The following PIP4K2A variants were observed in gnomAD, a reference collection of about 807,000 sequenced individuals.
The protein encoded by PIP4K2A is phosphatidylinositol 5-phosphate 4-kinase type-2 alpha.
A neutral mutation model predicts 42.9 loss-of-function variants in PIP4K2A; 14 were observed. The ratio of observed to expected loss-of-function variants is 0.33; its 90% CI spans 0.22 to 0.51. The LOEUF (loss-of-function observed/expected upper bound fraction) is 0.51. Ranked by LOEUF, PIP4K2A falls within the 20% of genes least tolerant of loss-of-function variation. The pLI is 0.97. For missense variants in PIP4K2A, 434 were observed against 519.8 expected, an observed-to-expected ratio of 0.83 and a Z score of 1.61; for synonymous variants, 192 against 192.2, an observed-to-expected ratio of 1.00 and a Z score of 0.01.
At chr10:22,690,826 T>C (rs1286752690) in intron 1 of PIP4K2A, among the ~76,000 whole-genome samples, 1 of 152,224 alleles carries the variant, frequency 6.6e-6, no homozygotes, top group Non-Finnish European at 1.5e-5. Context: ...TATTATGCAA[T>C]GCTGCATTGA....
chr10:22,604,177 A>G (rs1013057835), intron 3 of PIP4K2A, among the ~76,000 whole-genome samples: 1 of 152,246 alleles, frequency 6.6e-6, no homozygotes, highest in Non-Finnish European at 1.5e-5. Flanking sequence ...ACCAGAGGAA[A>G]GATACAAATG....
intron 1 of PIP4K2A, among the ~76,000 whole-genome samples, chr10:22,647,095 T>C (rs561474867): frequency 1.3e-5 from 2 of 152,330 alleles, no homozygotes; most frequent in South Asian, 4.1e-4. Context: ...AAGCTGCTTT[T>C]TAAATGAGGC....
intron 6 of PIP4K2A, among the ~76,000 whole-genome samples, chr10:22,553,077 A>G (rs1245600148): frequency 6.6e-6 from 1 of 152,166 alleles, no homozygotes; most frequent in African/African-American, 2.4e-5. Flanking sequence ...AAAACTCTGG[A>G]CACCATGTAC....
chr10:22,707,193 C>A (rs1027394199), intron 1 of PIP4K2A, among the ~76,000 whole-genome samples: 1 of 152,148 alleles, frequency 6.6e-6, no homozygotes, highest in Admixed American at 6.5e-5. Flanking sequence ...AGGCATCTTA[C>A]AAGTATGAAT....
At chr10:22,679,659 G>A (rs1304945945) in intron 1 of PIP4K2A, among the ~76,000 whole-genome samples, 1 of 152,154 alleles carries the variant, frequency 6.6e-6, no homozygotes, top group Non-Finnish European at 1.5e-5. Context: ...CAATCCAAAG[G>A]TCCATTAATG....
intron 1 of PIP4K2A, among the ~76,000 whole-genome samples, chr10:22,656,240 G>A (rs1468901814): frequency 6.6e-6 from 1 of 152,184 alleles, no homozygotes; most frequent in African/African-American, 2.4e-5. Context: ...GCTCCTTCTG[G>A]TTAGTGTCCT....
At chr10:22,588,222 G>A (rs535483203) in intron 4 of PIP4K2A, among the ~76,000 whole-genome samples, 2 of 152,256 alleles carry the variant, frequency 1.3e-5, no homozygotes, top group South Asian at 2.1e-4. Flanking sequence ...TTAGCAAAAC[G>A]GTGCTGCAAC....
chr10:22,538,258 T>G (rs981741729), intron 9 of PIP4K2A, among the ~76,000 whole-genome samples: 3 of 152,078 alleles, frequency 2.0e-5, no homozygotes, highest in Admixed American at 6.6e-5. Context: ...TAATGTTTTC[T>G]TCTTGCAAAC....
At chr10:22,711,090 C>T (rs1400918499) in intron 1 of PIP4K2A, among the ~76,000 whole-genome samples, 1 of 152,174 alleles carries the variant, frequency 6.6e-6, no homozygotes, top group Admixed American at 6.5e-5. Context: ...ATATTCTCTG[C>T]TTAAAATACT....
At position 22,536,251 on chromosome 10, in the gene PIP4K2A, AG is replaced by A. The variant is rs1382578164; in HGVS notation, c.*949del. On this transcript the variant is annotated 3_prime_UTR_variant, in exon 10 of 10. Coordinates refer to ENST00000376573, the MANE Select transcript of PIP4K2A (RefSeq NM_005028.5). The stretch of plus-strand genomic sequence containing the variant: ...TTTGATGCTTTGCTGGTTTTCCCAC[AG>A]TGGGAGATGTAGATACCATTGCCCC... 2.5e-6 allele frequency: 1 copy of A among 396,998 alleles called. No homozygotes were observed. The highest frequency in any genetic ancestry group is 2.1e-5 in the African/African-American group (1 of 48,608). 24.6% of individuals were successfully genotyped at this position (396,998 alleles called of 1,614,324 possible).
chr10:22,651,679 T>G (rs117506895), intron 1 of PIP4K2A, among the ~76,000 whole-genome samples: 299 of 152,354 alleles, frequency 2.0e-3, no homozygotes, highest in Non-Finnish European at 3.5e-3. Flanking sequence ...GGTATTTGTA[T>G]GATGTATCTG....
chr10:22,581,285 G>C (rs1174628619), intron 4 of PIP4K2A, among the ~76,000 whole-genome samples: 1 of 149,740 alleles, frequency 6.7e-6, no homozygotes, highest in African/African-American at 2.5e-5. Flanking sequence ...CTGGAGCGGA[G>C]GCTTGACATT....
chr10:22,697,418 AAC>A (rs1453236479), intron 1 of PIP4K2A, among the ~76,000 whole-genome samples: 1 of 152,220 alleles, frequency 6.6e-6, no homozygotes, highest in African/African-American at 2.4e-5. Context: ...GGTAACATCC[AAC>A]ATTTAAAAAG....
chr10:22,539,302 G>A (rs1027748121), intron 9 of PIP4K2A, among the ~76,000 whole-genome samples: 7 of 152,180 alleles, frequency 4.6e-5, no homozygotes. Flanking sequence ...GACAAAAGCA[G>A]GTACACTACT....
chr10:22,624,811 T>C (rs981090776), intron 1 of PIP4K2A, among the ~76,000 whole-genome samples: 1 of 152,236 alleles, frequency 6.6e-6, no homozygotes, highest in African/African-American at 2.4e-5. Context: ...AACAGATGTT[T>C]GAAAATATTT....
At chr10:22,677,328 A>G (rs1013158877) in intron 1 of PIP4K2A, among the ~76,000 whole-genome samples, 1 of 152,208 alleles carries the variant, frequency 6.6e-6, no homozygotes, top group African/African-American at 2.4e-5. Flanking sequence ...ATAATTAAAC[A>G]GTGGCACTTT....
In PIP4K2A at chr10:22,536,153, A is replaced by G. The variant is rs1835912024; in HGVS notation, c.*1048T>C. 1 of 398,578 alleles carries G rather than the reference A, an allele frequency of 2.5e-6. No homozygotes were observed. The highest frequency in any genetic ancestry group is 4.4e-5 in the Admixed American group (1 of 22,738). 24.7% of individuals were successfully genotyped at this position (398,578 alleles called of 1,614,324 possible). A position where few individuals can be genotyped will look rare whatever the true frequency, so the allele number is the denominator to read the frequency against. On this transcript the variant is annotated 3_prime_UTR_variant, in exon 10 of 10. Coordinates refer to ENST00000376573, the MANE Select transcript of PIP4K2A (RefSeq NM_005028.5). Reference sequence around the variant, plus strand: ...AAGGGATAATTCGTAACAAAATCCCATTGTTGAAACAATGGTCAAACATAA... The same window carrying G: ...AAGGGATAATTCGTAACAAAATCCCGTTGTTGAAACAATGGTCAAACATAA...
chr10:22,657,728 A>C (rs185501988), intron 1 of PIP4K2A, among the ~76,000 whole-genome samples: 108 of 152,366 alleles, frequency 7.1e-4, no homozygotes, highest in African/African-American at 2.2e-3. Flanking sequence ...GTCCTTATCC[A>C]TGTGACTACT....
At chr10:22,671,955 A>C (rs1839460117) in intron 1 of PIP4K2A, among the ~76,000 whole-genome samples, 2 of 152,194 alleles carry the variant, frequency 1.3e-5, no homozygotes, top group Admixed American at 1.3e-4. Flanking sequence ...AATGTGAAAT[A>C]ATTTGTTTTT....
Sources: allele counts gnomAD v4.1 joint callset (sites outside exome capture counted in the v4.1 genomes callset), GRCh38; gene constraint gnomAD v4.1.1; transcripts MANE v1.5; gene names NCBI Gene and HGNC (gene_info 2026-07-23, HGNC 2026-07-21).